KCNMB4: variants seen among roughly 807,000 people sequenced by gnomAD.
KCNMB4 encodes the protein calcium-activated potassium channel subunit beta-4.
KCNMB4 carries 3 observed loss-of-function variants against 20.7 expected under a neutral mutation model. The ratio of observed to expected loss-of-function variants is 0.14; its 90% confidence interval spans 0.07 to 0.37. The LOEUF is 0.37. Ranked by LOEUF, KCNMB4 falls within the 10% of genes least tolerant of loss-of-function variation. The probability of loss-of-function intolerance (pLI) is 1.00; values close to 1 mark genes in which losing one functional copy is unlikely to be tolerated. For synonymous variants in KCNMB4, 110 were observed against 113.4 expected, an observed-to-expected ratio of 0.97 and a Z score of 0.19; for missense variants, 168 against 265.9, an observed-to-expected ratio of 0.63 and a Z score of 2.56.
chr12:70,367,352 T>C (rs1254672774), intron 1 of KCNMB4, among the ~76,000 whole-genome samples: 2 of 152,122 alleles, frequency 1.3e-5, no homozygotes, highest in Admixed American at 6.5e-5. Context: ...GTCCGGGTCC[T>C]GCGCCTACCG....
chr12:70,415,700 C>T (rs1325820200), intron 2 of KCNMB4, among the ~76,000 whole-genome samples: 3 of 152,148 alleles, frequency 2.0e-5, no homozygotes, highest in African/African-American at 7.2e-5. Flanking sequence ...TTTATTTTCC[C>T]AGGCAAACTT....
chr12:70,406,881 A>C (rs557133141), intron 2 of KCNMB4, among the ~76,000 whole-genome samples: 270 of 152,310 alleles, frequency 1.8e-3, no homozygotes, highest in African/African-American at 6.2e-3. Context: ...AAACCAAATT[A>C]TATACTAAAA....
intron 1 of KCNMB4, among the ~76,000 whole-genome samples, chr12:70,388,701 T>C (rs961909949): frequency 6.6e-6 from 1 of 152,206 alleles, no homozygotes; most frequent in Non-Finnish European, 1.5e-5. Context: ...TGACTTCAGA[T>C]GTGCCTCAGT....
At chr12:70,392,249 G>C (rs1868305928) in intron 1 of KCNMB4, among the ~76,000 whole-genome samples, 1 of 152,132 alleles carries the variant, frequency 6.6e-6, no homozygotes, top group African/African-American at 2.4e-5. Flanking sequence ...CTCCATTAGA[G>C]AAATGCAAAT....
At chr12:70,423,663 A>C (rs1457430772) in intron 2 of KCNMB4, among the ~76,000 whole-genome samples, 5 of 151,968 alleles carry the variant, frequency 3.3e-5, no homozygotes, top group African/African-American at 1.2e-4. Flanking sequence ...TATTTTGTAG[A>C]GACAGGGTCT....
chr12:70,430,373 C>G (rs1869330688), intron 2 of KCNMB4, 112 bp from the exon 3 acceptor site: 1 of 1,125,640 alleles, frequency 8.9e-7, no homozygotes, highest in South Asian at 1.3e-5. Context: ...AGAGTGCAGC[C>G]TTTACTTTCA....
At chr12:70,414,156 C>T (rs1202994997) in intron 2 of KCNMB4, among the ~76,000 whole-genome samples, 5 of 151,996 alleles carry the variant, frequency 3.3e-5, no homozygotes, top group Admixed American at 6.6e-5. Context: ...TGCTTGAACC[C>T]GGGAGGCAGA....
chr12:70,409,773 A>G (rs905248601), intron 2 of KCNMB4, among the ~76,000 whole-genome samples: 1 of 152,214 alleles, frequency 6.6e-6, no homozygotes, highest in African/African-American at 2.4e-5. Context: ...ATATTTCAGA[A>G]TGAGATACTA....
intron 2 of KCNMB4, among the ~76,000 whole-genome samples, chr12:70,406,002 T>C (rs1166121730): frequency 1.3e-5 from 2 of 152,206 alleles, no homozygotes; most frequent in Non-Finnish European, 2.9e-5. Flanking sequence ...GAGGACATTA[T>C]ACCAAGTGAA....
intron 1 of KCNMB4, among the ~76,000 whole-genome samples, chr12:70,382,745 A>ATC (rs1401363529): frequency 4.6e-5 from 7 of 152,250 alleles, no homozygotes; most frequent in African/African-American, 1.4e-4. Flanking sequence ...ATAAAAGACC[A>ATC]TCTCTTCAGT....
chr12:70,379,186 C>G (rs1404807395), intron 1 of KCNMB4, among the ~76,000 whole-genome samples: 1 of 152,156 alleles, frequency 6.6e-6, no homozygotes, highest in Non-Finnish European at 1.5e-5. Flanking sequence ...TAAATGAGCA[C>G]TGGCTTCAGC....
rs1219971208 is a variant in KCNMB4 at position 70,434,114 on chromosome 12, C to G, written c.*3461C>G. 6.6e-6 allele frequency: 1 copy of G among 152,230 alleles called. No individual in the cohort carries two copies. Among genetic ancestry groups the G allele is most frequent in the African/African-American group, 2.4e-5 (1 of 41,434 alleles). 9.4% of individuals were successfully genotyped at this position (152,230 alleles called of 1,614,324 possible). On this transcript the variant is annotated 3_prime_UTR_variant, in exon 3 of 3. Transcript: ENST00000258111. Reference sequence around the variant, plus strand: ...GAAGCATGGGTGCCTCCTCCTTTGGCCCCAGCAGGAAGTTCAAATCACGCA... The same window carrying G: ...GAAGCATGGGTGCCTCCTCCTTTGGGCCCAGCAGGAAGTTCAAATCACGCA...
chr12:70,427,242 C>T (rs1869238897), intron 2 of KCNMB4, among the ~76,000 whole-genome samples: 1 of 152,166 alleles, frequency 6.6e-6, no homozygotes, highest in African/African-American at 2.4e-5. Context: ...AAACTGCCTG[C>T]CTGATAAAAT....
chr12:70,371,885 T>G (rs1392737051), intron 1 of KCNMB4, among the ~76,000 whole-genome samples: 1 of 152,184 alleles, frequency 6.6e-6, no homozygotes, highest in Non-Finnish European at 1.5e-5. Flanking sequence ...AAATGTATAA[T>G]GCCATGTCAT....
At chr12:70,425,000 T>G (rs1009116208) in intron 2 of KCNMB4, among the ~76,000 whole-genome samples, 1 of 152,210 alleles carries the variant, frequency 6.6e-6, no homozygotes, top group Non-Finnish European at 1.5e-5. Context: ...TCTCAGTTAA[T>G]TGTTAACATC....
intron 2 of KCNMB4, among the ~76,000 whole-genome samples, chr12:70,420,536 C>A (rs1869023667): frequency 6.6e-6 from 1 of 152,128 alleles, no homozygotes. Flanking sequence ...GAAACAGATT[C>A]TCTCCTAGAA....
intron 2 of KCNMB4, among the ~76,000 whole-genome samples, chr12:70,401,056 C>T (rs894624174): frequency 2.0e-5 from 3 of 152,162 alleles, no homozygotes; most frequent in African/African-American, 7.2e-5. Context: ...GACAGAGTCT[C>T]ACTCTGTCAC....
intron 2 of KCNMB4, among the ~76,000 whole-genome samples, chr12:70,408,944 A>G (rs1177532302): frequency 2.0e-5 from 3 of 152,152 alleles, no homozygotes; most frequent in Non-Finnish European, 2.9e-5. Flanking sequence ...TGTATTCTCA[A>G]TCTTTTCATA....
chr12:70,394,654 C>T (rs1305062492), intron 1 of KCNMB4, among the ~76,000 whole-genome samples: 1 of 152,066 alleles, frequency 6.6e-6, no homozygotes, highest in African/African-American at 2.4e-5. Context: ...ACATTTGAAA[C>T]ATTATGGAGT....
Sources: gnomAD v4.1 joint callset for allele counts (sites outside exome capture counted in the v4.1 genomes callset) on GRCh38, gnomAD v4.1.1 for gene constraint, MANE v1.5 for transcripts, NCBI Gene and HGNC (gene_info 2026-07-23, HGNC 2026-07-21) for gene names.